DGAT1: variants seen among roughly 807,000 people sequenced by gnomAD.
The protein encoded by DGAT1 is ACAT related gene product 1.
A neutral mutation model predicts 72.6 loss-of-function variants in DGAT1; 60 were observed. That is an observed-to-expected ratio of 0.83 (90% confidence interval 0.67 to 1.02). The LOEUF is 1.02. DGAT1 is among the 50% of genes least tolerant of loss of function. The pLI, the probability that DGAT1 is intolerant of heterozygous loss-of-function variation, is 0.00. For missense variants in DGAT1, 592 were observed against 670.0 expected (o/e 0.88, Z 1.29); for synonymous variants, 290 against 267.5 (o/e 1.08, Z -0.82).
chr8:144,315,601 G>A lies in DGAT1; in HGVS notation c.*953C>T. The A allele has an allele frequency of 6.1e-6, 6 of 985,668 alleles. No individual in the cohort carries two copies. Among genetic ancestry groups the A allele is most frequent in the Non-Finnish European group, 7.2e-6 (6 of 830,082 alleles). The allele number at this position is 985,668 out of a possible 1,614,324, so 61.1% of individuals were successfully genotyped here. The stretch of plus-strand genomic sequence containing the variant: ...CCTGACCTCCCGCTACCATCAAGGG[G>A]GGCCCCATCTATCCAGCTTGGTGGA... On this transcript the variant is annotated 3_prime_UTR_variant, in exon 17 of 17. Coordinates refer to ENST00000528718, the MANE Select transcript of DGAT1 (RefSeq NM_012079.6).
rs781826329 is a variant in DGAT1 at position 144,314,837 on chromosome 8, G to A, written c.*1717C>T. ...AGTGGCCTCCTGGGGGAAGACGGAT[G>A]CTTGCAGCTAGCTCCGTGCCTGCCC... On this transcript the variant is annotated 3_prime_UTR_variant, in exon 17 of 17. Transcript: ENST00000528718. The A allele has an allele frequency of 1.2e-5, 11 of 918,370 alleles. No individual in the cohort carries two copies. The highest frequency in any genetic ancestry group is 1.4e-5 in the Non-Finnish European group (11 of 767,164). 56.9% of individuals were successfully genotyped at this position (918,370 alleles called of 1,614,324 possible).
Position 144,318,822 on chromosome 8 carries a change from G to C in DGAT1, c.415+13C>G. 2 of 1,610,898 alleles carry C rather than the reference G, an allele frequency of 1.2e-6. No homozygotes were observed. The highest frequency in any genetic ancestry group is 8.5e-7 in the Non-Finnish European group (1 of 1,178,676). On this transcript the variant is annotated intron_variant, in intron 4 of 16. Transcript: ENST00000528718. ...TGATCCCCACCCGAGGCCCTCCTCA[G>C]AGCCCAGCTCACCAATAACCAGGCA...
chr8:144,317,780 T>G lies in DGAT1; in HGVS notation c.894+4A>C, dbSNP rs782528548. 3.5e-5 allele frequency: 57 copies of G among 1,613,040 alleles called. No homozygotes were observed. Among genetic ancestry groups the G allele is most frequent in the Non-Finnish European group, 4.7e-5 (55 of 1,179,682 alleles). On this transcript the variant is annotated splice_donor_region_variant and intron_variant, in intron 10 of 16. Coordinates refer to ENST00000528718, the MANE Select transcript of DGAT1 (RefSeq NM_012079.6). ...TACACCCAACCCTGCCCTACCCCAC[T>G]TACCTGCTGGATCAGCCCCACCTGG...
At chr8:144,324,272 G>A (rs1173083893) in intron 1 of DGAT1, among the ~76,000 whole-genome samples, 1 of 152,056 alleles carries the variant, frequency 6.6e-6, no homozygotes, top group Non-Finnish European at 1.5e-5. Context: ...TAATGAGGAA[G>A]CGGGAGAGGA....
rs1554847066 is a variant in DGAT1 at position 144,316,675 on chromosome 8, T to C, written c.1346A>G (p.Gln449Arg). ...PLAWFVGRFF[Q>R]GNYGNAAVWL... ...CACAGCTGCGTTGCCATAGTTGCCCTGGAAAAAGCGGCCCACGAACCAGGC... is the reference window on the plus strand; with the variant it reads ...CACAGCTGCGTTGCCATAGTTGCCCCGGAAAAAGCGGCCCACGAACCAGGC... The change falls in exon 17 of 17, where the codon CAG (glutamine) becomes CGG (arginine). Residue 449 changes from glutamine (Q) to arginine (R), a missense_variant. Physicochemically the swap from Gln to Arg is conservative, Grantham distance 43. Transcript: ENST00000528718. 1.2e-6 allele frequency: 2 copies of C among 1,612,128 alleles called. No individual in the cohort carries two copies. Among genetic ancestry groups the C allele is most frequent in the Middle Eastern group, 1.7e-4 (1 of 6,042 alleles).
At chr8:144,319,310 A>G (rs1173192702) in intron 2 of DGAT1, among the ~76,000 whole-genome samples, 1 of 152,140 alleles carries the variant, frequency 6.6e-6, no homozygotes. Flanking sequence ...ACGGTCCCAC[A>G]TGGAGGGAAC....
intron 1 of DGAT1, among the ~76,000 whole-genome samples, chr8:144,323,506 T>TG (rs1554848408): frequency 1.3e-5 from 2 of 152,214 alleles, no homozygotes; most frequent in South Asian, 4.1e-4. Flanking sequence ...GCCAGCAGCA[T>TG]GTGGGCTACA....
At position 144,318,872 on chromosome 8, in the gene DGAT1, CT is replaced by C; in HGVS notation, c.377del (p.Lys126ArgfsTer34). The C allele has an allele frequency of 6.2e-7, 1 of 1,612,100 alleles. No homozygotes were observed. Among genetic ancestry groups the C allele is most frequent in the East Asian group, 2.2e-5 (1 of 44,830 alleles). On this transcript the variant is annotated frameshift_variant, in exon 4 of 17. Transcript: ENST00000528718. LOFTEE classifies it high-confidence loss of function. ...DPIQVVSLFLKDPYSWPAPCL... is the reference protein window; with the variant it reads ...DPIQVVSLFLXDPYSWPAPCL... Reference sequence around the variant, plus strand: ...ATGGGGCGGGCCAGCTATAGGGATCCTTCAGGAACAGAGAAACCACCTGGAT... The same window carrying C: ...ATGGGGCGGGCCAGCTATAGGGATCCTCAGGAACAGAGAAACCACCTGGAT...
At chr8:144,319,795 A>C (rs1588684199) in intron 2 of DGAT1, among the ~76,000 whole-genome samples, 1 of 152,168 alleles carries the variant, frequency 6.6e-6, no homozygotes, top group South Asian at 2.1e-4. Context: ...CTCCTCCTCC[A>C]TCTTACAAGC....
intron 2 of DGAT1, among the ~76,000 whole-genome samples, 198 bp downstream of exon 2, chr8:144,321,123 G>A (rs1817440601): frequency 6.6e-6 from 1 of 152,226 alleles, no homozygotes; most frequent in Admixed American, 6.5e-5. Flanking sequence ...ACCACAGCAG[G>A]GGCAGCCACT....
rs880001184 is a variant in DGAT1, at chr8:144,316,175, G to C, written c.*379C>G. ...CCGGCCATGCCCGCCCTGCTGCAGT[G>C]GAGCTGCTGCTCCCCGGCAGGTCCT... On this transcript the variant is annotated 3_prime_UTR_variant, in exon 17 of 17. Transcript: ENST00000528718. The C allele has an allele frequency of 4.7e-6, 1 of 213,192 alleles. No individual in the cohort carries two copies. Among genetic ancestry groups the C allele is most frequent in the African/African-American group, 2.3e-5 (1 of 43,370 alleles). 13.2% of individuals were successfully genotyped at this position (213,192 alleles called of 1,614,324 possible).
At position 144,317,835 on chromosome 8, in the gene DGAT1, CAG is replaced by C. The variant is rs782041017; in HGVS notation, c.856-15_856-14del. 72 of 1,609,158 alleles carry C rather than the reference CAG, an allele frequency of 4.5e-5. No homozygotes were observed. Among genetic ancestry groups the C allele is most frequent in the South Asian group, 4.4e-4 (40 of 90,618 alleles). On this transcript the variant is annotated splice_polypyrimidine_tract_variant and intron_variant, in intron 9 of 16. Coordinates refer to ENST00000528718, the MANE Select transcript of DGAT1 (RefSeq NM_012079.6). ...GGGTGAAGAACAGCTGGGGGGGAAA[CAG>C]AGAGCAGCCAGCTGAGGCCCTGGCT...
intron 1 of DGAT1, among the ~76,000 whole-genome samples, chr8:144,324,352 C>T (rs868978116): frequency 3.3e-5 from 5 of 152,058 alleles, no homozygotes; most frequent in Middle Eastern, 3.2e-3. Flanking sequence ...CAAGGGGGTG[C>T]GCTAGAGGCC....
In DGAT1 at chr8:144,318,529, AC is replaced by A; in HGVS notation, c.505del (p.Val169TrpfsTer30). 6.2e-7 allele frequency: 1 copy of A among 1,611,996 alleles called. No homozygotes were observed. The highest frequency in any genetic ancestry group is 8.5e-7 in the Non-Finnish European group (1 of 1,179,938). ...ACACAGAATGGTGGCCAGGTTGGCC[AC>A]GTGCAGCAGCAGTCCCGCCTGCTCC... is the stretch of plus-strand genomic sequence containing the variant. The part of the protein sequence containing the change: ...LTEQAGLLLH[V>X]ANLATILCFP... On this transcript the variant is annotated frameshift_variant, in exon 6 of 17. Transcript: ENST00000528718. LOFTEE classifies it high-confidence loss of function.
Position 144,315,042 on chromosome 8 carries a change from CCT to C in DGAT1, c.*1510_*1511del. Reference sequence around the variant, plus strand: ...ACTGTCTTTCTGCCAGAGCCAGCACCCTGTGTAGGCACGGGGAACGGGAGCCT... The same window carrying C: ...ACTGTCTTTCTGCCAGAGCCAGCACCGTGTAGGCACGGGGAACGGGAGCCT... On this transcript the variant is annotated 3_prime_UTR_variant, in exon 17 of 17. Coordinates refer to ENST00000528718, the MANE Select transcript of DGAT1 (RefSeq NM_012079.6). The C allele has an allele frequency of 1.0e-6, 1 of 985,582 alleles. No individual in the cohort carries two copies. The allele number at this position is 985,582 out of a possible 1,614,324, so 61.1% of individuals were successfully genotyped here. A position where few individuals can be genotyped will look rare whatever the true frequency, so the allele number is the denominator to read the frequency against.
chr8:144,323,675 C>T (rs1162288266), intron 1 of DGAT1, among the ~76,000 whole-genome samples: 3 of 152,220 alleles, frequency 2.0e-5, no homozygotes, highest in Non-Finnish European at 4.4e-5. Flanking sequence ...GAGCAGCCTG[C>T]CCTCCCTCCT....
At position 144,317,054 on chromosome 8, in the gene DGAT1, C is replaced by T. The variant is rs377582872; in HGVS notation, c.1216G>A (p.Gly406Arg). The T allele has an allele frequency of 1.1e-5, 17 of 1,612,622 alleles. No homozygotes were observed. Among genetic ancestry groups the T allele is most frequent in the Non-Finnish European group, 1.4e-5 (16 of 1,179,930 alleles). Residue 406 changes from glycine to arginine, a missense_variant, in exon 15 of 17, where the codon GGG becomes AGG. By Grantham distance (125) the Gly-to-Arg change is moderately radical. Transcript: ENST00000528718. ...AAGAAGGCCGAGGCCAGGAACACCCCTGTCCTGGCCATCCACTTGCTGCTG... is the reference window on the plus strand; with the variant it reads ...AAGAAGGCCGAGGCCAGGAACACCCTTGTCCTGGCCATCCACTTGCTGCTG... ...RGSSKWMART[G>R]VFLASAFFHE...
chr8:144,319,396 C>T (rs1554847858), intron 2 of DGAT1, among the ~76,000 whole-genome samples: 1 of 152,224 alleles, frequency 6.6e-6, no homozygotes, highest in Non-Finnish European at 1.5e-5. Context: ...GATCTGCTCA[C>T]ATCCCTCCTG....
At position 144,325,015 on chromosome 8, in the gene DGAT1, G is replaced by C. The variant is rs191943573; in HGVS notation, c.200+1422C>G. ...GGAGGCAGAGGTTGCAGTGAGCCAA[G>C]AATGTGCCATTTTACTCCAGCCTGG... On this transcript the variant is annotated intron_variant, in intron 1 of 16. Coordinates refer to ENST00000528718, the MANE Select transcript of DGAT1 (RefSeq NM_012079.6). Among the ~76,000 whole-genome samples, 652 of 152,026 alleles carry C rather than the reference G, an allele frequency of 4.3e-3. 4 individuals are homozygous for C. The highest frequency in any genetic ancestry group is 0.01 in the Middle Eastern group (3 of 294).
Sources: allele counts gnomAD v4.1 joint callset (sites outside exome capture counted in the v4.1 genomes callset), GRCh38; gene constraint gnomAD v4.1.1; transcripts MANE v1.5; gene names NCBI Gene and HGNC (gene_info 2026-07-23, HGNC 2026-07-21).